Variants in WDR87 observed in about 807,000 individuals in gnomAD.
WDR87 encodes the protein WD repeat domain 87.
A neutral mutation model predicts 83.3 loss-of-function variants in WDR87; 56 were observed. That is an observed-to-expected ratio of 0.67 (90% CI 0.54 to 0.84). The LOEUF (loss-of-function observed/expected upper bound fraction) is 0.84. Ranked by LOEUF, WDR87 falls within the 40% of genes least tolerant of loss-of-function variation. The probability of loss-of-function intolerance (pLI) is 0.00; values close to 1 mark genes in which losing one functional copy is unlikely to be tolerated. For synonymous variants in WDR87, 1,173 were observed against 1,250.6 expected (o/e 0.94, Z 1.31); for missense variants, 2,939 against 3,431.9 (o/e 0.86, Z 3.59).
At position 37,889,677 on chromosome 19, in the gene WDR87, G is replaced by A; in HGVS notation, c.3994C>T (p.Leu1332=). The A allele has an allele frequency of 6.4e-7, 1 of 1,551,772 alleles. No individual in the cohort carries two copies. Reference sequence around the variant, plus strand: ...AGAACCTTACTTTCTTTCTTCAATAGGGGGCAGATCTCCTGAAAGAGTTCC... The same window carrying A: ...AGAACCTTACTTTCTTTCTTCAATAAGGGGCAGATCTCCTGAAAGAGTTCC... ...SWELFQEICP[L]LKKESKVLLE... Residue 1332 remains leucine, a synonymous_variant, in exon 6 of 6, where the codon CTA becomes TTA. Transcript: ENST00000447313.
chr19:37,901,530 A>T (rs2046293818), intron 1 of WDR87, among the ~76,000 whole-genome samples: 2 of 152,170 alleles, frequency 1.3e-5, no homozygotes, highest in African/African-American at 4.8e-5. Flanking sequence ...CTGAGAGAGT[A>T]GTCGTTTGTA....
chr19:37,893,731 G>A lies in WDR87; in HGVS notation c.1972C>T (p.Arg658Trp), dbSNP rs529989970. 210 of 1,551,496 alleles carry A rather than the reference G, an allele frequency of 1.4e-4. No individual in the cohort carries two copies. The highest frequency in any genetic ancestry group is 7.7e-4 in the African/African-American group (56 of 73,144). The change falls in exon 4 of 6, where the codon CGG becomes TGG. Residue 658 changes from arginine (R) to tryptophan (W), a missense_variant. Physicochemically the swap from Arg to Trp is moderately radical, Grantham distance 101. Coordinates refer to ENST00000447313, the MANE Select transcript of WDR87 (RefSeq NM_001291088.2). The part of the protein sequence containing the change: ...HFGPVCFAND[R>W]GDLLVTFNQS... ...TTAAAAGTCACAAGCAGGTCACCCC[G>A]GTCATTTGCAAAACAGACTGGGCCA...
At chr19:37,897,511 TG>T (rs1030883788) in intron 2 of WDR87, among the ~76,000 whole-genome samples, 1 of 151,986 alleles carries the variant, frequency 6.6e-6, no homozygotes, top group African/African-American at 2.4e-5. Context: ...CGCCTGGCCC[TG>T]GGATCCTTGT....
In WDR87 at chr19:37,889,172, T is replaced by C; in HGVS notation, c.4499A>G (p.Lys1500Arg). The stretch of plus-strand genomic sequence containing the variant: ...CTGTTTCCACTCATCCCAGGCCTTT[T>C]TCCAGTCCTGCCAAGATGGTGTCCT... ...IERTPSWQDWKKAWDEWKQVH... is the reference protein window; with the variant it reads ...IERTPSWQDWRKAWDEWKQVH... Residue 1500 changes from lysine to arginine, a missense_variant, in exon 6 of 6, where the codon AAA becomes AGA. Transcript: ENST00000447313. The C allele has an allele frequency of 6.4e-7, 1 of 1,552,352 alleles. No homozygotes were observed. Among genetic ancestry groups the C allele is most frequent in the Non-Finnish European group, 8.7e-7 (1 of 1,147,134 alleles).
chr19:37,905,333 T>C (rs748331339), intron 1 of WDR87, among the ~76,000 whole-genome samples: 14 of 151,422 alleles, frequency 9.2e-5, no homozygotes, highest in Non-Finnish European at 1.8e-4. Flanking sequence ...AATAAAATAT[T>C]AAAATTAATT....
At position 37,897,214 on chromosome 19, in the gene WDR87, T is replaced by TG. The variant is rs993882919; in HGVS notation, c.76-907_76-906insC. Among the ~76,000 whole-genome samples, 5 of 149,280 alleles carry TG rather than the reference T, an allele frequency of 3.3e-5. No individual in the cohort carries two copies. The South Asian group carries it at 1.1e-3, about 33-fold the overall frequency. On this transcript the variant is annotated intron_variant, in intron 2 of 5. Coordinates refer to ENST00000447313, the MANE Select transcript of WDR87 (RefSeq NM_001291088.2). Reference sequence around the variant, plus strand: ...TGCATCTGGGATCCTGTTTTTTTTTTTTTTTTTTTTGAGACAAGATCTCAC... The same window carrying TG: ...TGCATCTGGGATCCTGTTTTTTTTTTGTTTTTTTTTTGAGACAAGATCTCAC...
chr19:37,885,651 T>C lies in WDR87; in HGVS notation c.8020A>G (p.Arg2674Gly). The C allele has an allele frequency of 6.4e-7, 1 of 1,551,828 alleles. No individual in the cohort carries two copies. Among genetic ancestry groups the C allele is most frequent in the Non-Finnish European group, 8.7e-7 (1 of 1,147,020 alleles). Residue 2674 changes from arginine (R) to glycine (G), a missense_variant, in exon 6 of 6, where the codon AGG (arginine) becomes GGG (glycine). By Grantham distance (125) the Arg-to-Gly change is moderately radical. Coordinates refer to ENST00000447313, the MANE Select transcript of WDR87 (RefSeq NM_001291088.2). Reference sequence around the variant, plus strand: ...CCTAGAAGATGCCAATTTTTAGCCCTTGGGTCTGGAATCCTCTTGGTAGCT... The same window carrying C: ...CCTAGAAGATGCCAATTTTTAGCCCCTGGGTCTGGAATCCTCTTGGTAGCT... ...PLATKRIPDP[R>G]AKNWHLLGEP...
At position 37,894,199 on chromosome 19, in the gene WDR87, G is replaced by A. The variant is rs1367108294; in HGVS notation, c.1504C>T (p.His502Tyr). The A allele has an allele frequency of 1.3e-6, 2 of 1,552,258 alleles. No individual in the cohort carries two copies. Among genetic ancestry groups the A allele is most frequent in the Admixed American group, 2.0e-5 (1 of 51,002 alleles). Reference sequence around the variant, plus strand: ...GAGAGTGCCAGTACAGCGCCAAAGTGCATGAATTTTTCTAATCGAGCACAG... The same window carrying A: ...GAGAGTGCCAGTACAGCGCCAAAGTACATGAATTTTTCTAATCGAGCACAG... ...HSCARLEKFM[H>Y]FGAVLALSTL... Residue 502 changes from histidine to tyrosine, a missense_variant, in exon 4 of 6, where the codon CAC becomes TAC. This residue lies in a region of WDR87 where 553 missense variants were observed against 577.9 expected (regional missense o/e 0.96). Coordinates refer to ENST00000447313, the MANE Select transcript of WDR87 (RefSeq NM_001291088.2).
rs889972147 is a variant in WDR87, at chr19:37,890,100, C to G, written c.3571G>C (p.Asp1191His). Reference sequence around the variant, plus strand: ...ATATCTTTCTCTTGAGAATCAACATCTTTTGAGAGCTTTATTACACTGGTG... The same window carrying G: ...ATATCTTTCTCTTGAGAATCAACATGTTTTGAGAGCTTTATTACACTGGTG... ...SSTSVIKLSKDVDSQEKDISK... is the reference protein window; with the variant it reads ...SSTSVIKLSKHVDSQEKDISK... Residue 1191 changes from aspartate (D) to histidine (H), a missense_variant, in exon 6 of 6, where the codon GAT (aspartate) becomes CAT (histidine). Physicochemically the swap from Asp to His is moderately conservative, Grantham distance 81. Coordinates refer to ENST00000447313, the MANE Select transcript of WDR87 (RefSeq NM_001291088.2). The G allele has an allele frequency of 6.4e-7, 1 of 1,551,948 alleles. No individual in the cohort carries two copies. The highest frequency in any genetic ancestry group is 1.4e-5 in the African/African-American group (1 of 73,170).
chr19:37,901,526 G>C (rs549742126), intron 1 of WDR87, among the ~76,000 whole-genome samples: 129 of 152,294 alleles, frequency 8.5e-4, no homozygotes, highest in Admixed American at 2.4e-3. Flanking sequence ...GCTGCTGAGA[G>C]AGTAGTCGTT....
intron 1 of WDR87, among the ~76,000 whole-genome samples, chr19:37,900,485 T>C (rs1599772966): frequency 7.4e-6 from 1 of 135,874 alleles, no homozygotes; most frequent in Admixed American, 8.6e-5. Flanking sequence ...CGCTTCAACA[T>C]GGGAGACAGA....
chr19:37,894,340 A>C lies in WDR87; in HGVS notation c.1363T>G (p.Ser455Ala), dbSNP rs1358563086. 7.1e-6 allele frequency: 11 copies of C among 1,551,602 alleles called. No homozygotes were observed. In the South Asian group the frequency reaches 1.3e-4, roughly 18 times the overall value. Residue 455 changes from serine (S) to alanine (A), a missense_variant, in exon 4 of 6, where the codon TCT becomes GCT. This residue lies in a region of WDR87 where 553 missense variants were observed against 577.9 expected (regional missense o/e 0.96). Transcript: ENST00000447313. ...AKYLLGTSPN[S>A]QDFVQCLAYG... is the part of the protein sequence containing the mutation. ...GCCAGGCATTGTACAAAGTCCTGAG[A>C]ATTTGGTGAGGTGCCTAAGAGATAC...
Position 37,888,390 on chromosome 19 carries a change from C to A in WDR87, c.5281G>T (p.Glu1761Ter), listed in dbSNP as rs763928964. Residue 1761 changes from glutamate to a stop codon, truncating the protein, a stop_gained, in exon 6 of 6, where the codon GAA (glutamate) becomes TAA (stop). Coordinates refer to ENST00000447313, the MANE Select transcript of WDR87 (RefSeq NM_001291088.2). LOFTEE classifies it low-confidence loss of function (END_TRUNC). ...CAAGACAGTTCTTCCATGTCCCATT[C>A]CAGTTCCTCCAATTCCTGGGCCAGC... ...KELAQELEEL[E>*]WDMEELSWKE... The A allele has an allele frequency of 4.5e-6, 7 of 1,552,148 alleles. No individual in the cohort carries two copies. In the South Asian group the frequency reaches 7.1e-5, roughly 16 times the overall value.
In WDR87 at chr19:37,893,145, A is replaced by G; in HGVS notation, c.2558T>C (p.Leu853Pro). 6.4e-7 allele frequency: 1 copy of G among 1,551,880 alleles called. No homozygotes were observed. Among genetic ancestry groups the G allele is most frequent in the South Asian group, 1.2e-5 (1 of 84,062 alleles). The change falls in exon 4 of 6, where the codon CTG becomes CCG. Residue 853 changes from leucine (L) to proline (P), a missense_variant. Physicochemically the swap from Leu to Pro is moderately conservative, Grantham distance 98. Around this residue, in one of 3 missense-constraint regions of WDR87, gnomAD observed 2,160 missense variants for 2,533.1 expected, o/e 0.85. Transcript: ENST00000447313. The part of the protein sequence containing the change: ...QCNLHAPQRE[L>P]EWDRSQEFFF... ...GAATTCTTGAGACCTGTCCCATTCC[A>G]GCTCCCGCTGGGGTGCATGCAGGTT...
chr19:37,904,508 G>A (rs186086940), intron 1 of WDR87, among the ~76,000 whole-genome samples: 28 of 152,122 alleles, frequency 1.8e-4, no homozygotes, highest in Admixed American at 1.4e-3. Flanking sequence ...ACAGGCGTGC[G>A]CCACCACACC....
At chr19:37,900,955 G>A (rs1051394563) in intron 1 of WDR87, among the ~76,000 whole-genome samples, 1 of 108,676 alleles carries the variant, frequency 9.2e-6, no homozygotes, top group Non-Finnish European at 1.7e-5. Context: ...GTGGGACCCT[G>A]TCTCTACAAA....
rs898160616 is a variant in WDR87, at chr19:37,893,939, C to A, written c.1764G>T (p.Leu588=). ...CLRLWKFHDF[L]SSGSQNGLKF... ...TCAAGCCATTCTGTGACCCAGAGGA[C>A]AGAAAATCATGGAACTTCCAGAGAC... The change falls in exon 4 of 6, where the codon CTG becomes CTT. Residue 588 remains leucine (L), a synonymous_variant. Coordinates refer to ENST00000447313, the MANE Select transcript of WDR87 (RefSeq NM_001291088.2). The A allele has an allele frequency of 1.5e-5, 24 of 1,551,858 alleles. No individual in the cohort carries two copies. Among genetic ancestry groups the A allele is most frequent in the Non-Finnish European group, 1.9e-5 (22 of 1,147,034 alleles).
intron 1 of WDR87, among the ~76,000 whole-genome samples, chr19:37,898,697 C>T (rs922438708): frequency 2.6e-4 from 39 of 152,136 alleles, no homozygotes; most frequent in African/African-American, 9.4e-4. Flanking sequence ...CCTCATGAAC[C>T]AGGACAGACA....
Position 37,887,653 on chromosome 19 carries a change from C to A in WDR87, c.6018G>T (p.Met2006Ile). Residue 2006 changes from methionine to isoleucine, a missense_variant, in exon 6 of 6, where the codon ATG becomes ATT. Physicochemically the swap from Met to Ile is conservative, Grantham distance 10 (BLOSUM62 1). This residue lies in a region of WDR87 where 2,160 missense variants were observed against 2,533.1 expected (regional missense o/e 0.85). Coordinates refer to ENST00000447313, the MANE Select transcript of WDR87 (RefSeq NM_001291088.2). ...AKEEKALNLE[M>I]KRLAEEKMRL... ...TCATCTTCTCCTCAGCCAGTCTTTTCATTTCCAGGTTCAATGCCTTTTCTT... is the reference window on the plus strand; with the variant it reads ...TCATCTTCTCCTCAGCCAGTCTTTTAATTTCCAGGTTCAATGCCTTTTCTT... 6.4e-7 allele frequency: 1 copy of A among 1,552,186 alleles called. No individual in the cohort carries two copies. The highest frequency in any genetic ancestry group is 8.7e-7 in the Non-Finnish European group (1 of 1,147,104).
Sources: allele counts gnomAD v4.1 joint callset (sites outside exome capture counted in the v4.1 genomes callset), GRCh38; gene constraint gnomAD v4.1.1; regional missense constraint gnomAD v4.1.1; transcripts MANE v1.5; gene names NCBI Gene and HGNC (gene_info 2026-07-23, HGNC 2026-07-21).